Variants in WWOX observed in about 807,000 individuals in gnomAD.
The protein encoded by WWOX is WW domain containing oxidoreductase.
WWOX carries 69 observed loss-of-function variants against 46.2 expected under a neutral mutation model. That is an observed-to-expected ratio of 1.49 (90% CI 1.23 to 1.82). The LOEUF (loss-of-function observed/expected upper bound fraction) is 1.82. Among genes scored for constraint, WWOX ranks in the 40% most tolerant of loss-of-function variants. The pLI is 0.00. For missense variants in WWOX, 919 were observed against 542.6 expected, an observed-to-expected ratio of 1.69 and a Z score of -6.89; for synonymous variants, 359 against 202.6, an observed-to-expected ratio of 1.77 and a Z score of -6.56.
chr16:78,805,330 G>A (rs946727724), intron 8 of WWOX, among the ~76,000 whole-genome samples: 9 of 152,080 alleles, frequency 5.9e-5, no homozygotes, highest in African/African-American at 2.2e-4. Flanking sequence ...TCAGGATCTC[G>A]GCTCACTGCA....
chr16:78,849,803 T>C (rs1463437876), intron 8 of WWOX, among the ~76,000 whole-genome samples: 1 of 152,082 alleles, frequency 6.6e-6, no homozygotes, highest in Non-Finnish European at 1.5e-5. Flanking sequence ...CTGGGCGTGG[T>C]GGCTCATGCC....
At chr16:78,758,193 C>T (rs1053965244) in intron 8 of WWOX, among the ~76,000 whole-genome samples, 2 of 152,128 alleles carry the variant, frequency 1.3e-5, no homozygotes, top group African/African-American at 2.4e-5. Flanking sequence ...TGATTTGCCA[C>T]ATATAGATGA....
At chr16:78,634,181 T>G (rs955451817) in intron 8 of WWOX, among the ~76,000 whole-genome samples, 1 of 152,176 alleles carries the variant, frequency 6.6e-6, no homozygotes, top group Non-Finnish European at 1.5e-5. Context: ...TTCGCTTTTT[T>G]GTGTCTAAAT....
intron 8 of WWOX, among the ~76,000 whole-genome samples, chr16:79,188,759 C>T (rs999864735): frequency 1.3e-5 from 2 of 152,122 alleles, no homozygotes; most frequent in African/African-American, 2.4e-5. Context: ...AAGTTCTCCT[C>T]GAAATCCACA....
At chr16:78,743,650 T>C (rs975843054) in intron 8 of WWOX, among the ~76,000 whole-genome samples, 3 of 152,162 alleles carry the variant, frequency 2.0e-5, no homozygotes, top group African/African-American at 7.2e-5. Flanking sequence ...AGATGGAAAA[T>C]TGAAAGTACC....
chr16:78,522,116 G>C (rs905975235), intron 8 of WWOX, among the ~76,000 whole-genome samples: 1 of 150,038 alleles, frequency 6.7e-6, no homozygotes, highest in Non-Finnish European at 1.5e-5. Flanking sequence ...AGGGAATATG[G>C]AGGAGAAGGG....
intron 8 of WWOX, among the ~76,000 whole-genome samples, chr16:79,063,347 G>C (rs12596258): frequency 0.26 from 38,855 of 152,064 alleles, 5,643 homozygotes; most frequent in African/African-American, 0.39. Flanking sequence ...ATATTTCCTG[G>C]CGTGCGTATC....
chr16:78,172,467 C>T (rs2035194676), intron 5 of WWOX, among the ~76,000 whole-genome samples: 2 of 152,162 alleles, frequency 1.3e-5, no homozygotes, highest in Admixed American at 6.5e-5. Context: ...TCCAGAATAC[C>T]TAAAACTTGT....
chr16:78,993,722 C>G (rs1393991131), intron 8 of WWOX, among the ~76,000 whole-genome samples: 1 of 152,228 alleles, frequency 6.6e-6, no homozygotes, highest in Non-Finnish European at 1.5e-5. Flanking sequence ...CTCCAGCAAT[C>G]TGCCTGGTGC....
intron 8 of WWOX, among the ~76,000 whole-genome samples, chr16:78,982,542 G>C (rs1340487709): frequency 1.3e-5 from 2 of 152,198 alleles, no homozygotes; most frequent in Non-Finnish European, 2.9e-5. Context: ...GATTCCCACA[G>C]TGAGTAGAGT....
intron 8 of WWOX, among the ~76,000 whole-genome samples, chr16:78,554,440 C>T (rs2738512): frequency 6.6e-6 from 1 of 152,096 alleles, no homozygotes; most frequent in Non-Finnish European, 1.5e-5. Flanking sequence ...ACAGTAAAAC[C>T]TAGCATATGA....
chr16:78,574,006 A>G lies in WWOX; in HGVS notation c.1056+141254A>G, dbSNP rs58980559. ...TCTAATTTGGTAGCTTGACTGGGGA[A>G]GAATTGGCTTCCCAAATCACCCAGA... is the stretch of plus-strand genomic sequence containing the variant. On this transcript the variant is annotated intron_variant, in intron 8 of 8. Transcript: ENST00000566780. 0.13 allele frequency among the ~76,000 whole-genome samples: 20,315 copies of G among 152,216 alleles called. 1,516 individuals are homozygous for G. The highest frequency in any genetic ancestry group is 0.19 in the South Asian group (896 of 4,822).
intron 8 of WWOX, among the ~76,000 whole-genome samples, chr16:78,680,356 C>G (rs945194107): frequency 4.6e-5 from 7 of 151,826 alleles, no homozygotes; most frequent in Admixed American, 1.3e-4. Context: ...CCAGCCTGAA[C>G]GACGTAAAAA....
At chr16:78,104,585 G>C (rs1157902321) in intron 1 of WWOX, among the ~76,000 whole-genome samples, 2 of 152,070 alleles carry the variant, frequency 1.3e-5, no homozygotes, top group African/African-American at 2.4e-5. Flanking sequence ...TGAATCCTTT[G>C]GTTTAAGTTT....
chr16:78,939,255 G>C (rs2045804217), intron 8 of WWOX, among the ~76,000 whole-genome samples: 1 of 152,204 alleles, frequency 6.6e-6, no homozygotes, highest in African/African-American at 2.4e-5. Flanking sequence ...GGGCTTTAAA[G>C]ATGGATGAAA....
At chr16:79,150,582 A>G (rs2050259357) in intron 8 of WWOX, among the ~76,000 whole-genome samples, 1 of 152,204 alleles carries the variant, frequency 6.6e-6, no homozygotes, top group Admixed American at 6.5e-5. Flanking sequence ...CGTGGAAATT[A>G]GCTATAAACT....
intron 8 of WWOX, among the ~76,000 whole-genome samples, chr16:78,790,376 T>A (rs528095270): frequency 6.6e-6 from 1 of 152,144 alleles, no homozygotes; most frequent in Non-Finnish European, 1.5e-5. Context: ...ATCAAGTGAT[T>A]TGCCCGCCCC....
chr16:78,716,471 G>T (rs2048563901), intron 8 of WWOX, among the ~76,000 whole-genome samples: 1 of 152,142 alleles, frequency 6.6e-6, no homozygotes, highest in Admixed American at 6.5e-5. Context: ...CCTTCAAGAT[G>T]AGTGTTATTT....
chr16:78,690,321 C>T (rs2047956502), intron 8 of WWOX, among the ~76,000 whole-genome samples: 1 of 152,140 alleles, frequency 6.6e-6, no homozygotes, highest in Non-Finnish European at 1.5e-5. Context: ...AAGGCTGAGT[C>T]AGAACGATTG....
Sources: allele counts gnomAD v4.1 joint callset (sites outside exome capture counted in the v4.1 genomes callset), GRCh38; gene constraint gnomAD v4.1.1; transcripts MANE v1.5; gene names NCBI Gene and HGNC (gene_info 2026-07-23, HGNC 2026-07-21).